EPS15L1: variants seen among roughly 807,000 people sequenced by gnomAD.
EPS15L1 encodes the protein epidermal growth factor receptor substrate 15-like 1.
In EPS15L1, 43 loss-of-function variants were observed where a neutral mutation model predicts 117.1. That is an observed-to-expected ratio of 0.37 (90% CI 0.29 to 0.47). The LOEUF (loss-of-function observed/expected upper bound fraction) is 0.47, where lower values mean the gene tolerates loss of function less well. EPS15L1 is among the 20% of genes least tolerant of loss of function. The pLI, the probability that EPS15L1 is intolerant of heterozygous loss-of-function variation, is 0.99. For missense variants in EPS15L1, 981 were observed against 1,164.0 expected (o/e 0.84, Z 2.29); for synonymous variants, 459 against 470.5 (o/e 0.98, Z 0.32).
chr19:16,426,007 T>A (rs1234509886), intron 8 of EPS15L1, among the ~76,000 whole-genome samples: 1 of 152,180 alleles, frequency 6.6e-6, no homozygotes, highest in African/African-American at 2.4e-5. Flanking sequence ...TCATCAGCGA[T>A]GGTGGAACTC....
At chr19:16,434,548 A>T (rs2092960697) in intron 6 of EPS15L1, 58 bp from the exon 7 acceptor site, 1 of 1,565,696 alleles carries the variant, frequency 6.4e-7, no homozygotes, top group African/African-American at 1.4e-5. Flanking sequence ...GAATGTCCAG[A>T]CCGAGCTCTG....
chr19:16,470,516 CCT>C (rs1169620002), intron 1 of EPS15L1, among the ~76,000 whole-genome samples: 1 of 128,156 alleles, frequency 7.8e-6, no homozygotes, highest in Non-Finnish European at 1.6e-5. Flanking sequence ...CCCCCCACCC[CCT>C]GACTACATAC....
chr19:16,417,827 G>A (rs1369330832), intron 11 of EPS15L1, 121 bp downstream of exon 11: 3 of 1,402,558 alleles, frequency 2.1e-6, no homozygotes, highest in Admixed American at 2.0e-5. Context: ...CCCCTGTTGA[G>A]GAAGGCAGGG....
intron 1 of EPS15L1, among the ~76,000 whole-genome samples, chr19:16,466,949 G>A (rs938465645): frequency 5.9e-5 from 9 of 151,282 alleles, no homozygotes; most frequent in African/African-American, 2.4e-5. Context: ...TGCGTCACAC[G>A]GCAGGGTCCT....
chr19:16,393,364 T>C (rs2144779683), intron 18 of EPS15L1, among the ~76,000 whole-genome samples: 1 of 151,662 alleles, frequency 6.6e-6, no homozygotes, highest in South Asian at 2.1e-4. Context: ...AAAAAATAAA[T>C]CGGTCGGGCA....
At chr19:16,396,051 G>A (rs573406107) in intron 16 of EPS15L1, among the ~76,000 whole-genome samples, 1 of 152,020 alleles carries the variant, frequency 6.6e-6, no homozygotes, top group Non-Finnish European at 1.5e-5. Flanking sequence ...AGGTTACAGT[G>A]AGCTATGATT....
chr19:16,393,033 C>T (rs527957697), intron 18 of EPS15L1, among the ~76,000 whole-genome samples: 2 of 151,092 alleles, frequency 1.3e-5, no homozygotes, highest in Non-Finnish European at 2.9e-5. Flanking sequence ...TAGAGTAAAA[C>T]CCCATCTCTA....
chr19:16,427,156 T>C (rs2092880522), intron 8 of EPS15L1, among the ~76,000 whole-genome samples: 1 of 152,136 alleles, frequency 6.6e-6, no homozygotes, highest in South Asian at 2.1e-4. Context: ...GAAATTTGAC[T>C]GAAGAGTTTT....
rs980325702 is a variant in EPS15L1, at chr19:16,405,702, C to T, written c.1267-953G>A. ...CATGAGCACACTGCATTTGTGCGAACGGGAAGGGGAGGGTATGTGTGGTAT... is the reference window on the plus strand; with the variant it reads ...CATGAGCACACTGCATTTGTGCGAATGGGAAGGGGAGGGTATGTGTGGTAT... On this transcript the variant is annotated intron_variant, in intron 13 of 23. Transcript: ENST00000455140. The surrounding 1 kb of genome is among the most constrained non-coding windows in gnomAD (Gnocchi z 4.0). Among the ~76,000 whole-genome samples the T allele has an allele frequency of 8.5e-5, 13 of 152,112 alleles. No individual in the cohort carries two copies. Among genetic ancestry groups the T allele is most frequent in the Admixed American group, 7.9e-4 (12 of 15,272 alleles).
Position 16,355,682 on chromosome 19 carries a change from T to C in EPS15L1, c.*23A>G. The C allele has an allele frequency of 6.5e-7, 1 of 1,532,910 alleles. No homozygotes were observed. The highest frequency in any genetic ancestry group is 8.7e-7 in the Non-Finnish European group (1 of 1,144,476). 95.0% of individuals were successfully genotyped at this position (1,532,910 alleles called of 1,614,324 possible). A position where few individuals can be genotyped will look rare whatever the true frequency, so the allele number is the denominator to read the frequency against. On this transcript the variant is annotated 3_prime_UTR_variant, in exon 24 of 24. Coordinates refer to ENST00000455140, the MANE Select transcript of EPS15L1 (RefSeq NM_001258374.3). Reference sequence around the variant, plus strand: ...CTCTCTGGAACCCGCCCGTGCCCTGTCCCGCCTACACACGGCCCTCGCCTA... The same window carrying C: ...CTCTCTGGAACCCGCCCGTGCCCTGCCCCGCCTACACACGGCCCTCGCCTA...
intron 1 of EPS15L1, among the ~76,000 whole-genome samples, chr19:16,464,885 C>G (rs562499663): frequency 1.8e-4 from 28 of 151,420 alleles, no homozygotes; most frequent in Non-Finnish European, 3.1e-4. Context: ...TCGAGACCAT[C>G]CTGCCTAACC....
chr19:16,413,059 C>A (rs1368410831), intron 13 of EPS15L1: 2 of 724,924 alleles, frequency 2.8e-6, no homozygotes, highest in Non-Finnish European at 4.9e-6. Flanking sequence ...GGCCAGTGCA[C>A]CAGGTTCAAG....
In EPS15L1 at chr19:16,370,392, C is replaced by A. The variant is rs2092205317; in HGVS notation, c.2380+6730G>T. On this transcript the variant is annotated intron_variant, in intron 22 of 23. Transcript: ENST00000455140. The surrounding 1 kb of genome is among the most constrained non-coding windows in gnomAD (Gnocchi z 5.2). ...GGCGTCTGCCCCAGCCCTCACCTCC[C>A]TCAGGTGCCAAGCAAGGGGTTGAGG... is the stretch of plus-strand genomic sequence containing the variant. Among the ~76,000 whole-genome samples the A allele has an allele frequency of 6.6e-6, 1 of 152,120 alleles. No individual in the cohort carries two copies. The highest frequency in any genetic ancestry group is 2.4e-5 in the African/African-American group (1 of 41,410).
chr19:16,363,759 G>A (rs2092093683), intron 22 of EPS15L1, among the ~76,000 whole-genome samples: 1 of 152,248 alleles, frequency 6.6e-6, no homozygotes. Flanking sequence ...AGGCCAGTGA[G>A]AACCTGGCCC....
intron 12 of EPS15L1, among the ~76,000 whole-genome samples, 189 bp from the exon 13 acceptor site, chr19:16,414,034 G>A (rs62118097): frequency 6.8e-4 from 104 of 152,262 alleles, no homozygotes; most frequent in Non-Finnish European, 1.4e-3. Context: ...CTGTGACCAT[G>A]GGAGGGATCG....
rs115877595 is a variant in EPS15L1 at position 16,456,991 on chromosome 19, C to T, written c.34-14772G>A. ...GGTGCCTGCAGGCCAGCAAGGTGGG[C>T]GCATATGCATATGAGATGGTAAACG... On this transcript the variant is annotated intron_variant, in intron 1 of 23. Coordinates refer to ENST00000455140, the MANE Select transcript of EPS15L1 (RefSeq NM_001258374.3). 6.0e-3 allele frequency among the ~76,000 whole-genome samples: 913 copies of T among 151,956 alleles called. 17 individuals are homozygous for T. The highest frequency in any genetic ancestry group is 0.021 in the African/African-American group (880 of 41,422).
At chr19:16,380,509 A>T (rs1217385888) in intron 21 of EPS15L1, among the ~76,000 whole-genome samples, 1 of 151,226 alleles carries the variant, frequency 6.6e-6, no homozygotes, top group African/African-American at 2.4e-5. Flanking sequence ...GGGTCTACTC[A>T]CACACACGCA....
chr19:16,366,791 G>A (rs1182677374), intron 22 of EPS15L1, among the ~76,000 whole-genome samples: 1 of 152,120 alleles, frequency 6.6e-6, no homozygotes, highest in Non-Finnish European at 1.5e-5. Context: ...GAAAGCCCCC[G>A]GCATCACTGT....
At chr19:16,399,782 A>G (rs1284072029) in intron 16 of EPS15L1, among the ~76,000 whole-genome samples, 1 of 151,382 alleles carries the variant, frequency 6.6e-6, no homozygotes, top group African/African-American at 2.4e-5. Flanking sequence ...TCAGCCTCCC[A>G]AAGGACTGGG....
Sources: allele counts gnomAD v4.1 joint callset (sites outside exome capture counted in the v4.1 genomes callset), GRCh38; gene constraint gnomAD v4.1.1; non-coding constraint Gnocchi (gnomAD v3.1); transcripts MANE v1.5; gene names NCBI Gene and HGNC (gene_info 2026-07-23, HGNC 2026-07-21).